Variants in ITFG1 observed in about 807,000 individuals in gnomAD.
ITFG1 encodes T-cell immunomodulatory protein.
ITFG1 carries 34 observed loss-of-function variants against 81.8 expected under a neutral mutation model. That is an observed-to-expected ratio of 0.42 (90% CI 0.32 to 0.55). The LOEUF (loss-of-function observed/expected upper bound fraction) is 0.55, where lower values mean the gene tolerates loss of function less well. Among genes scored for constraint, ITFG1 ranks in the 20% least tolerant of loss-of-function variants. The pLI is 0.17. For synonymous variants in ITFG1, 285 were observed against 270.6 expected (o/e 1.05, Z -0.52); for missense variants, 672 against 755.4 (o/e 0.89, Z 1.29).
chr16:47,389,330 G>A (rs1253375830), intron 6 of ITFG1, among the ~76,000 whole-genome samples: 1 of 152,040 alleles, frequency 6.6e-6, no homozygotes, highest in Non-Finnish European at 1.5e-5. Flanking sequence ...ATTTAAAAAT[G>A]CAACTGTAAT....
chr16:47,407,781 T>C (rs147907354), intron 6 of ITFG1, among the ~76,000 whole-genome samples: 235 of 152,270 alleles, frequency 1.5e-3, no homozygotes, highest in African/African-American at 5.5e-3. Flanking sequence ...CTATCAGACA[T>C]GGACATAAAA....
At chr16:47,367,183 C>T (rs919897721) in intron 7 of ITFG1, among the ~76,000 whole-genome samples, 5 of 152,170 alleles carry the variant, frequency 3.3e-5, no homozygotes, top group South Asian at 4.1e-4. Context: ...GGGCGAGGTA[C>T]GGAAGGGTCA....
At chr16:47,290,373 T>C (rs756887344) in intron 10 of ITFG1, among the ~76,000 whole-genome samples, 2 of 152,198 alleles carry the variant, frequency 1.3e-5, no homozygotes, top group Non-Finnish European at 2.9e-5. Context: ...GTTGGTTTTA[T>C]GTCCAGATGA....
At chr16:47,160,529 GT>G (rs1964787440) in intron 16 of ITFG1, among the ~76,000 whole-genome samples, 1 of 151,890 alleles carries the variant, frequency 6.6e-6, no homozygotes, top group African/African-American at 2.4e-5. Context: ...AGATTTTCTA[GT>G]TTTACTGTAA....
chr16:47,316,606 A>G (rs1967362745), intron 8 of ITFG1, among the ~76,000 whole-genome samples: 1 of 152,222 alleles, frequency 6.6e-6, no homozygotes, highest in African/African-American at 2.4e-5. Flanking sequence ...TCCCTGCAGC[A>G]CAGGATACAG....
intron 6 of ITFG1, among the ~76,000 whole-genome samples, chr16:47,380,818 A>T (rs758401884): frequency 6.6e-6 from 1 of 152,234 alleles, no homozygotes; most frequent in Non-Finnish European, 1.5e-5. Context: ...ATGATAGCTG[A>T]TATCACTGGT....
chr16:47,457,506 G>T (rs1969469203), intron 2 of ITFG1, among the ~76,000 whole-genome samples: 1 of 151,910 alleles, frequency 6.6e-6, no homozygotes, highest in Non-Finnish European at 1.5e-5. Context: ...GATAATTCAA[G>T]AAAATTAGTG....
chr16:47,433,502 T>C (rs1969119084), intron 5 of ITFG1, among the ~76,000 whole-genome samples: 1 of 152,072 alleles, frequency 6.6e-6, no homozygotes, highest in Admixed American at 6.6e-5. Context: ...CAAATATGAA[T>C]TTGCCACTCC....
intron 8 of ITFG1, among the ~76,000 whole-genome samples, chr16:47,339,699 A>C (rs1567466184): frequency 6.6e-6 from 1 of 152,172 alleles, no homozygotes; most frequent in Non-Finnish European, 1.5e-5. Context: ...ACGATGAAGA[A>C]AAATAAATAA....
rs548475631 is a variant in ITFG1 at position 47,365,174 on chromosome 16, G to A, written c.802+614C>T. On this transcript the variant is annotated intron_variant, in intron 8 of 17. Coordinates refer to ENST00000320640, the MANE Select transcript of ITFG1 (RefSeq NM_030790.5). ...TACGGTGGTTTATTGGCATAATGAA[G>A]GATCAGCAGGATGGGAACAAGCACT... Among the ~76,000 whole-genome samples, 64 of 152,292 alleles carry A rather than the reference G, an allele frequency of 4.2e-4. 1 individual carries two copies. The South Asian group carries it at 7.1e-3, about 17-fold the overall frequency.
intron 12 of ITFG1, among the ~76,000 whole-genome samples, chr16:47,253,851 T>C (rs1320737305): frequency 6.6e-6 from 1 of 152,134 alleles, no homozygotes; most frequent in Non-Finnish European, 1.5e-5. Flanking sequence ...TCGTGCGGCC[T>C]GGTTCCTAAT....
chr16:47,414,189 G>A (rs1343571764), intron 6 of ITFG1, among the ~76,000 whole-genome samples: 1 of 151,816 alleles, frequency 6.6e-6, no homozygotes, highest in East Asian at 1.9e-4. Context: ...ATACATAAAT[G>A]CCCACCAAGA....
At chr16:47,169,876 G>C (rs1392128053) in intron 14 of ITFG1, among the ~76,000 whole-genome samples, 1 of 152,092 alleles carries the variant, frequency 6.6e-6, no homozygotes, top group Non-Finnish European at 1.5e-5. Flanking sequence ...CTAGTTTGCT[G>C]AGTGTTTTAA....
At chr16:47,182,338 A>T (rs1219107595) in intron 14 of ITFG1, among the ~76,000 whole-genome samples, 1 of 151,872 alleles carries the variant, frequency 6.6e-6, no homozygotes, top group Non-Finnish European at 1.5e-5. Context: ...CTAGTAGACG[A>T]TGGGAATCAA....
At chr16:47,394,717 T>C (rs1044609013) in intron 6 of ITFG1, among the ~76,000 whole-genome samples, 1 of 152,144 alleles carries the variant, frequency 6.6e-6, no homozygotes, top group African/African-American at 2.4e-5. Context: ...TTTTATCCCA[T>C]ATTTTATTAA....
At chr16:47,405,803 G>A (rs1968720828) in intron 6 of ITFG1, among the ~76,000 whole-genome samples, 4 of 151,908 alleles carry the variant, frequency 2.6e-5, no homozygotes, top group South Asian at 2.1e-4. Context: ...AAGACTAAAC[G>A]TTTGTTGCAG....
intron 5 of ITFG1, chr16:47,448,849 A>G (rs575512819): frequency 1.3e-5 from 2 of 152,248 alleles, no homozygotes; most frequent in African/African-American, 4.8e-5. Flanking sequence ...AATATGGCAC[A>G]TTATTACATT....
intron 14 of ITFG1, among the ~76,000 whole-genome samples, chr16:47,187,883 C>A (rs1286765259): frequency 1.3e-5 from 2 of 151,824 alleles, no homozygotes; most frequent in African/African-American, 2.4e-5. Flanking sequence ...GGCTAATATC[C>A]AGAATCTACA....
intron 5 of ITFG1, among the ~76,000 whole-genome samples, chr16:47,445,286 G>A (rs545094284): frequency 4.2e-5 from 6 of 142,244 alleles, no homozygotes; most frequent in African/African-American, 1.3e-4. Context: ...TTTCCCCCAC[G>A]TTTGATATCT....
Sources: gnomAD v4.1 joint callset for allele counts (sites outside exome capture counted in the v4.1 genomes callset) on GRCh38, gnomAD v4.1.1 for gene constraint, MANE v1.5 for transcripts, NCBI Gene and HGNC (gene_info 2026-07-23, HGNC 2026-07-21) for gene names.